ANKS1B: variants seen among roughly 807,000 people sequenced by gnomAD.
ANKS1B encodes ankyrin repeat and sterile alpha motif domain-containing protein 1B.
ANKS1B carries 36 observed loss-of-function variants against 148.3 expected under a neutral mutation model. That is an observed-to-expected ratio of 0.24 (90% CI 0.19 to 0.32). ANKS1B has a LOEUF of 0.32. ANKS1B is among the 10% of genes least tolerant of loss of function. The probability of loss-of-function intolerance (pLI) is 1.00; values close to 1 mark genes in which losing one functional copy is unlikely to be tolerated. For missense variants in ANKS1B, 1,157 were observed against 1,542.6 expected, an observed-to-expected ratio of 0.75 and a Z score of 4.19; for synonymous variants, 542 against 560.8, an observed-to-expected ratio of 0.97 and a Z score of 0.47.
intron 8 of ANKS1B, among the ~76,000 whole-genome samples, chr12:99,695,123 T>C (rs1351613340): frequency 6.6e-6 from 1 of 152,076 alleles, no homozygotes; most frequent in Non-Finnish European, 1.5e-5. Flanking sequence ...CTGTTTATAA[T>C]CAAAAAAGTA....
intron 17 of ANKS1B, among the ~76,000 whole-genome samples, chr12:98,980,134 T>TA (rs1185677241): frequency 1.3e-5 from 2 of 152,216 alleles, no homozygotes; most frequent in Non-Finnish European, 2.9e-5. Context: ...ATTTGGGCTT[T>TA]AAAAAATATC....
At chr12:98,916,364 A>T (rs1454218049) in intron 17 of ANKS1B, among the ~76,000 whole-genome samples, 2 of 152,216 alleles carry the variant, frequency 1.3e-5, no homozygotes, top group Admixed American at 6.5e-5. Flanking sequence ...ATCTGTGAAG[A>T]GCTGCTCTCC....
chr12:99,559,130 A>C (rs2097306947), intron 9 of ANKS1B, among the ~76,000 whole-genome samples: 1 of 151,610 alleles, frequency 6.6e-6, no homozygotes, highest in Non-Finnish European at 1.5e-5. Flanking sequence ...TCCACTCTCA[A>C]TGCCTTCTCT....
chr12:98,803,948 C>T (rs968610766), intron 20 of ANKS1B, among the ~76,000 whole-genome samples: 3 of 152,146 alleles, frequency 2.0e-5, no homozygotes, highest in Non-Finnish European at 4.4e-5. Context: ...ATAACAAGCC[C>T]CAGCACATAC....
At chr12:98,855,261 T>G (rs1369384420) in intron 17 of ANKS1B, among the ~76,000 whole-genome samples, 1 of 152,176 alleles carries the variant, frequency 6.6e-6, no homozygotes, top group Non-Finnish European at 1.5e-5. Context: ...TCGTTGACAA[T>G]TCTAACAAAG....
chr12:99,026,213 T>G (rs913291128), intron 17 of ANKS1B, among the ~76,000 whole-genome samples: 1 of 152,222 alleles, frequency 6.6e-6, no homozygotes, highest in Admixed American at 6.5e-5. Context: ...TCTAGACCAA[T>G]AGCCAAACTT....
intron 17 of ANKS1B, among the ~76,000 whole-genome samples, chr12:99,020,343 G>T (rs1414496527): frequency 6.6e-6 from 1 of 151,900 alleles, no homozygotes; most frequent in African/African-American, 2.4e-5. Context: ...TATAATATTT[G>T]TCCTTTTGTG....
At position 99,275,237 on chromosome 12, in the gene ANKS1B, C is replaced by T. The variant is rs183534615; in HGVS notation, c.1757-28373G>A. ...ACCTTTTTAGTTATTTTAAAATGTACGATAAATTAATGTTGACTATCGTCA... is the reference window on the plus strand; with the variant it reads ...ACCTTTTTAGTTATTTTAAAATGTATGATAAATTAATGTTGACTATCGTCA... On this transcript the variant is annotated intron_variant, in intron 12 of 26. Coordinates refer to ENST00000683438, the MANE Select transcript of ANKS1B (RefSeq NM_001352186.2). Among the ~76,000 whole-genome samples, 123 of 152,090 alleles carry T rather than the reference C, an allele frequency of 8.1e-4. 1 individual carries two copies. Among genetic ancestry groups the T allele is most frequent in the South Asian group, 5.4e-3 (26 of 4,818 alleles).
At chr12:99,818,506 A>G (rs904846539) in intron 2 of ANKS1B, among the ~76,000 whole-genome samples, 1 of 151,914 alleles carries the variant, frequency 6.6e-6, no homozygotes, top group Non-Finnish European at 1.5e-5. Flanking sequence ...TTGCTAATCA[A>G]TATCTGTAAA....
At chr12:99,315,550 T>A (rs2083920096) in intron 12 of ANKS1B, among the ~76,000 whole-genome samples, 3 of 151,714 alleles carry the variant, frequency 2.0e-5, no homozygotes, top group Admixed American at 2.0e-4. Context: ...AATTATTATT[T>A]TTTTCTATAA....
At chr12:99,485,331 A>AT (rs2096473731) in intron 10 of ANKS1B, among the ~76,000 whole-genome samples, 1 of 152,112 alleles carries the variant, frequency 6.6e-6, no homozygotes, top group Non-Finnish European at 1.5e-5. Flanking sequence ...AAGGTTGAAG[A>AT]TAGGACCCCA....
intron 9 of ANKS1B, among the ~76,000 whole-genome samples, chr12:99,551,931 G>A (rs569420434): frequency 6.6e-6 from 1 of 152,022 alleles, no homozygotes; most frequent in African/African-American, 2.4e-5. Flanking sequence ...CCAGATTTAA[G>A]GGCCACCTCC....
At chr12:99,560,588 C>A (rs530871195) in intron 9 of ANKS1B, among the ~76,000 whole-genome samples, 13 of 152,056 alleles carry the variant, frequency 8.5e-5, no homozygotes, top group African/African-American at 3.1e-4. Context: ...TCATTTCACC[C>A]GGGCATATAA....
At chr12:99,175,168 C>G (rs1293760684) in intron 14 of ANKS1B, among the ~76,000 whole-genome samples, 1 of 152,174 alleles carries the variant, frequency 6.6e-6, no homozygotes, top group Non-Finnish European at 1.5e-5. Context: ...TTGCTTTCTA[C>G]TGTGTCCACA....
chr12:99,684,635 A>C (rs1017006992), intron 8 of ANKS1B, among the ~76,000 whole-genome samples: 1 of 152,144 alleles, frequency 6.6e-6, no homozygotes, highest in African/African-American at 2.4e-5. Context: ...GACTACTCCA[A>C]AAGAATAAAT....
chr12:99,562,875 C>G (rs1230187575), intron 9 of ANKS1B, among the ~76,000 whole-genome samples: 4 of 152,182 alleles, frequency 2.6e-5, no homozygotes, highest in Admixed American at 2.6e-4. Flanking sequence ...TATCAGCCAC[C>G]TTTATCAATT....
intron 9 of ANKS1B, among the ~76,000 whole-genome samples, chr12:99,637,828 CACACAT>C (rs1567534484): frequency 7.5e-6 from 1 of 133,622 alleles, no homozygotes; most frequent in Non-Finnish European, 1.7e-5. Context: ...TATATATACA[CACACAT>C]ACACATACAC....
At chr12:99,645,596 A>G (rs1050168114) in intron 9 of ANKS1B, among the ~76,000 whole-genome samples, 2 of 152,226 alleles carry the variant, frequency 1.3e-5, no homozygotes, top group African/African-American at 4.8e-5. Flanking sequence ...ATTTATTTTA[A>G]TATATCTAGT....
intron 14 of ANKS1B, among the ~76,000 whole-genome samples, chr12:99,195,580 A>T (rs2081291823): frequency 6.6e-6 from 1 of 152,194 alleles, no homozygotes; most frequent in Non-Finnish European, 1.5e-5. Context: ...ATGTAGGGCA[A>T]ATTTCTAAGG....
Sources: allele counts gnomAD v4.1 joint callset (sites outside exome capture counted in the v4.1 genomes callset), GRCh38; gene constraint gnomAD v4.1.1; transcripts MANE v1.5; gene names NCBI Gene and HGNC (gene_info 2026-07-23, HGNC 2026-07-21).